L3MBTL4: variants seen among roughly 807,000 people sequenced by gnomAD.
The protein encoded by L3MBTL4 is lethal(3)malignant brain tumor-like protein 4.
In L3MBTL4, 70 loss-of-function variants were observed where a neutral mutation model predicts 84.5. That is an observed-to-expected ratio of 0.83 (90% CI 0.68 to 1.01). The LOEUF is 1.01. Among genes scored for constraint, L3MBTL4 ranks in the 50% least tolerant of loss-of-function variants. The pLI is 0.00. For missense variants in L3MBTL4, 715 were observed against 754.8 expected (o/e 0.95, Z 0.62); for synonymous variants, 274 against 259.8 (o/e 1.05, Z -0.52).
At chr18:6,199,598 C>T (rs964701483) in intron 12 of L3MBTL4, among the ~76,000 whole-genome samples, 8 of 152,158 alleles carry the variant, frequency 5.3e-5, no homozygotes, top group African/African-American at 1.7e-4. Context: ...ATCCTAAGCC[C>T]TATTGCCATG....
intron 16 of L3MBTL4, among the ~76,000 whole-genome samples, chr18:5,996,906 A>T (rs1473825251): frequency 6.6e-6 from 1 of 152,162 alleles, no homozygotes; most frequent in African/African-American, 2.4e-5. Context: ...AGCTCTTAAT[A>T]GTTTTATTTT....
intron 1 of L3MBTL4, among the ~76,000 whole-genome samples, chr18:6,322,882 C>A (rs113497938): frequency 4.7e-4 from 71 of 152,226 alleles, no homozygotes; most frequent in African/African-American, 1.6e-3. Context: ...CTGCCCAAAT[C>A]TCATGTTGAA....
chr18:6,126,636 G>A (rs547510440), intron 14 of L3MBTL4, among the ~76,000 whole-genome samples: 3 of 151,198 alleles, frequency 2.0e-5, no homozygotes, highest in East Asian at 3.9e-4. Flanking sequence ...AAAGAATTTA[G>A]AAAAAAAAAT....
intron 3 of L3MBTL4, among the ~76,000 whole-genome samples, 175 bp from the exon 4 acceptor site, chr18:6,302,132 C>G (rs2050367900): frequency 6.6e-6 from 1 of 152,156 alleles, no homozygotes; most frequent in Non-Finnish European, 1.5e-5. Context: ...ACACATGATC[C>G]ATTTGGACGT....
At chr18:6,210,823 C>T (rs2046073731) in intron 12 of L3MBTL4, among the ~76,000 whole-genome samples, 2 of 152,172 alleles carry the variant, frequency 1.3e-5, no homozygotes, top group South Asian at 4.1e-4. Context: ...TAGGCTTGTT[C>T]TTTGTCCATC....
intron 10 of L3MBTL4, among the ~76,000 whole-genome samples, chr18:6,226,941 T>C (rs947226828): frequency 6.6e-6 from 1 of 151,982 alleles, no homozygotes; most frequent in African/African-American, 2.4e-5. Flanking sequence ...TAAATATAAA[T>C]ATACAAATAG....
intron 16 of L3MBTL4, among the ~76,000 whole-genome samples, chr18:5,994,531 G>A (rs1291617728): frequency 6.6e-6 from 1 of 152,130 alleles, no homozygotes; most frequent in Non-Finnish European, 1.5e-5. Context: ...GGCACAGAGG[G>A]GTAAATTTGC....
intron 13 of L3MBTL4, among the ~76,000 whole-genome samples, chr18:6,154,629 T>A (rs2043027115): frequency 6.6e-6 from 1 of 152,174 alleles, no homozygotes; most frequent in South Asian, 2.1e-4. Context: ...GACCCTCAAT[T>A]CACACCAATG....
intron 5 of L3MBTL4, among the ~76,000 whole-genome samples, chr18:6,249,682 C>G (rs1304959728): frequency 6.6e-6 from 1 of 152,126 alleles, no homozygotes; most frequent in Non-Finnish European, 1.5e-5. Flanking sequence ...CATGAACTGA[C>G]AGGTTTTAAA....
intron 12 of L3MBTL4, among the ~76,000 whole-genome samples, chr18:6,182,863 A>C (rs1426628279): frequency 6.6e-6 from 1 of 152,198 alleles, no homozygotes; most frequent in Non-Finnish European, 1.5e-5. Flanking sequence ...CATTAAACCC[A>C]CAGTTCTATC....
chr18:6,181,146 A>C (rs1299358361), intron 12 of L3MBTL4, among the ~76,000 whole-genome samples: 1 of 150,432 alleles, frequency 6.6e-6, no homozygotes, highest in Non-Finnish European at 1.5e-5. Context: ...TTTCTGTTTG[A>C]GGTGAGGACA....
intron 16 of L3MBTL4, among the ~76,000 whole-genome samples, chr18:6,008,980 T>G (rs1281131934): frequency 1.3e-5 from 2 of 152,188 alleles, no homozygotes; most frequent in East Asian, 3.9e-4. Context: ...GAATTACTTA[T>G]TGTCCAGCTA....
chr18:6,257,333 A>G (rs1371514876), intron 5 of L3MBTL4, among the ~76,000 whole-genome samples: 2 of 152,014 alleles, frequency 1.3e-5, no homozygotes. Flanking sequence ...GGAGATCACA[A>G]TTTCACCGAG....
chr18:6,078,426 C>CAAAAAAAAAAAAA (rs1200685986), intron 16 of L3MBTL4, among the ~76,000 whole-genome samples: 1 of 34,878 alleles, frequency 2.9e-5, no homozygotes, highest in African/African-American at 9.4e-5. Flanking sequence ...GAGTCCACCT[C>CAAAAAAAAAAAAA]AAAAAAAAAA....
intron 4 of L3MBTL4, among the ~76,000 whole-genome samples, chr18:6,282,464 A>C (rs973617507): frequency 6.6e-6 from 1 of 152,144 alleles, no homozygotes; most frequent in Non-Finnish European, 1.5e-5. Flanking sequence ...GAGAGGAGGG[A>C]CATTTCAGGC....
intron 16 of L3MBTL4, among the ~76,000 whole-genome samples, chr18:6,038,167 C>A (rs1465599839): frequency 6.6e-6 from 1 of 150,648 alleles, no homozygotes; most frequent in Non-Finnish European, 1.5e-5. Context: ...AATATTGATG[C>A]AGATAAAATA....
intron 4 of L3MBTL4, among the ~76,000 whole-genome samples, chr18:6,266,469 G>A (rs1460862814): frequency 6.6e-6 from 1 of 152,200 alleles, no homozygotes; most frequent in Non-Finnish European, 1.5e-5. Flanking sequence ...AGATGCAGAT[G>A]GTAAAAGGTC....
chr18:6,234,858 A>G (rs1161962019), intron 10 of L3MBTL4, among the ~76,000 whole-genome samples: 3 of 152,214 alleles, frequency 2.0e-5, no homozygotes, highest in African/African-American at 7.2e-5. Flanking sequence ...CTGTAAAGAC[A>G]CATGCACATG....
intron 13 of L3MBTL4, among the ~76,000 whole-genome samples, chr18:6,138,573 G>T (rs985595048): frequency 4.6e-5 from 7 of 152,052 alleles, no homozygotes; most frequent in African/African-American, 1.7e-4. Context: ...TTATTTTTGA[G>T]ACTAAGTCTC....
Sources: allele counts gnomAD v4.1 joint callset (sites outside exome capture counted in the v4.1 genomes callset), GRCh38; gene constraint gnomAD v4.1.1; transcripts MANE v1.5; gene names NCBI Gene and HGNC (gene_info 2026-07-23, HGNC 2026-07-21).